FKBP5: variants seen among roughly 807,000 people sequenced by gnomAD.
FKBP5 encodes the protein peptidyl-prolyl cis-trans isomerase FKBP5.
Under a neutral mutation model 50.5 loss-of-function variants are expected in FKBP5, and 23 were observed. The observed-to-expected ratio is 0.46, with a 90% CI of 0.33 to 0.65. FKBP5 has a LOEUF of 0.65. Among genes scored for constraint, FKBP5 ranks in the 30% least tolerant of loss-of-function variants. FKBP5 has a pLI of 0.02. For synonymous variants in FKBP5, 176 were observed against 190.6 expected (o/e 0.92, Z 0.63); for missense variants, 411 against 553.1 (o/e 0.74, Z 2.58).
chr6:35,672,650 A>G (rs1483113001), intron 1 of FKBP5, among the ~76,000 whole-genome samples: 1 of 151,980 alleles, frequency 6.6e-6, no homozygotes, highest in Non-Finnish European at 1.5e-5. Context: ...TTGTGGCTGG[A>G]GGCGGTGGCT....
chr6:35,576,694 G>A (rs1413122437), intron 10 of FKBP5, among the ~76,000 whole-genome samples: 1 of 122,126 alleles, frequency 8.2e-6, no homozygotes. Context: ...GGGCGGGCGG[G>A]GGGAGTTGGT....
intron 2 of FKBP5, among the ~76,000 whole-genome samples, chr6:35,715,881 G>A (rs1381296162): frequency 1.3e-5 from 2 of 152,188 alleles, no homozygotes; most frequent in Non-Finnish European, 2.9e-5. Context: ...GATCCTTCCA[G>A]CCCCTGTGCC....
chr6:35,654,520 T>C (rs929449471), intron 1 of FKBP5, among the ~76,000 whole-genome samples: 3 of 152,230 alleles, frequency 2.0e-5, no homozygotes, highest in Non-Finnish European at 2.9e-5. Flanking sequence ...TACCATACCA[T>C]ACCATTGTTC....
chr6:35,677,838 C>A (rs568544281), intron 1 of FKBP5, among the ~76,000 whole-genome samples: 1 of 151,542 alleles, frequency 6.6e-6, no homozygotes, highest in Non-Finnish European at 1.5e-5. Context: ...GACTGGAGTG[C>A]AGTGGCATGA....
At chr6:35,604,125 A>T (rs1292795992) in intron 5 of FKBP5, among the ~76,000 whole-genome samples, 2 of 151,534 alleles carry the variant, frequency 1.3e-5, no homozygotes, top group Admixed American at 6.6e-5. Context: ...CTCCTTCCTC[A>T]GCCTCCCTAG....
intron 1 of FKBP5, among the ~76,000 whole-genome samples, chr6:35,662,860 C>G (rs1033297933): frequency 6.6e-6 from 1 of 152,152 alleles, no homozygotes; most frequent in Non-Finnish European, 1.5e-5. Context: ...AGACCCTGTT[C>G]TAGGAGCTAC....
chr6:35,604,797 C>CTT (rs552968122), intron 5 of FKBP5, among the ~76,000 whole-genome samples: 1 of 145,022 alleles, frequency 6.9e-6, no homozygotes, highest in Non-Finnish European at 1.5e-5. Context: ...ACAGTGTTTT[C>CTT]TTTTTTTTTT....
At chr6:35,615,048 T>C (rs1306041977) in intron 5 of FKBP5, among the ~76,000 whole-genome samples, 2 of 151,426 alleles carry the variant, frequency 1.3e-5, no homozygotes, top group African/African-American at 4.9e-5. Context: ...CACTTGAACC[T>C]GGGAGGCGGA....
upstream of FKBP5, among the ~76,000 whole-genome samples, chr6:35,691,536 C>T (rs1011721544): frequency 2.6e-5 from 4 of 152,018 alleles, no homozygotes; most frequent in African/African-American, 7.2e-5. Context: ...TGTAATACAC[C>T]GCAGCAACAA....
chr6:35,685,982 CA>C (rs60786619), intron 1 of FKBP5, among the ~76,000 whole-genome samples: 7,328 of 46,306 alleles, frequency 0.16, 186 homozygotes, highest in African/African-American at 0.31. Flanking sequence ...AACGCCATCT[CA>C]AAAAAAAAAA....
Position 35,636,995 on chromosome 6 carries a change from C to CA in FKBP5, c.250+18dup. The CA allele has an allele frequency of 1.3e-6, 2 of 1,573,246 alleles. No individual in the cohort carries two copies. The highest frequency in any genetic ancestry group is 8.6e-7 in the Non-Finnish European group (1 of 1,168,230). ...TAATAAAGCTAAGTAAAACACAACT[C>CA]AAAAAAATACCCTCTTACCTTTGCC... On this transcript the variant is annotated intron_variant, in intron 3 of 10. Transcript: ENST00000357266.
At chr6:35,682,997 TG>T (rs1036043611) in intron 1 of FKBP5, among the ~76,000 whole-genome samples, 1 of 151,496 alleles carries the variant, frequency 6.6e-6, no homozygotes, top group Non-Finnish European at 1.5e-5. Context: ...CTCTTTAAAA[TG>T]TATGTATGTG....
chr6:35,711,771 G>C (rs1009239778), intron 2 of FKBP5, among the ~76,000 whole-genome samples: 1 of 152,102 alleles, frequency 6.6e-6, no homozygotes. Flanking sequence ...CACTTAAATG[G>C]GTGCATTTTA....
At chr6:35,679,395 A>T (rs1001123498) in intron 1 of FKBP5, among the ~76,000 whole-genome samples, 13 of 152,250 alleles carry the variant, frequency 8.5e-5, no homozygotes, top group Admixed American at 8.5e-4. Flanking sequence ...GGACCATAAA[A>T]GGGGAAAAGG....
At chr6:35,683,162 G>A (rs1195053195) in intron 1 of FKBP5, among the ~76,000 whole-genome samples, 4 of 145,464 alleles carry the variant, frequency 2.7e-5, no homozygotes, top group Non-Finnish European at 4.5e-5. Context: ...GTGTGTGTGT[G>A]TGTGTGTGTG....
At chr6:35,636,317 G>C (rs1764308156) in intron 3 of FKBP5, among the ~76,000 whole-genome samples, 6 of 152,170 alleles carry the variant, frequency 3.9e-5, no homozygotes, top group Admixed American at 3.9e-4. Flanking sequence ...ATTGTCAGTT[G>C]TTTTTCCTTG....
chr6:35,646,530 A>G (rs1050971883), intron 1 of FKBP5, among the ~76,000 whole-genome samples: 1 of 152,236 alleles, frequency 6.6e-6, no homozygotes, highest in Non-Finnish European at 1.5e-5. Flanking sequence ...TAAGCTAACA[A>G]AACAAATAAA....
At chr6:35,591,779 T>G (rs1210967085) in intron 6 of FKBP5, among the ~76,000 whole-genome samples, 1 of 152,188 alleles carries the variant, frequency 6.6e-6, no homozygotes, top group African/African-American at 2.4e-5. Flanking sequence ...ACTATTTAAG[T>G]TTTTTTAAAA....
chr6:35,597,920 T>C (rs1360330538), intron 5 of FKBP5, among the ~76,000 whole-genome samples: 3 of 152,196 alleles, frequency 2.0e-5, no homozygotes, highest in Admixed American at 1.3e-4. Context: ...TTCACAAATA[T>C]ATCTGAATAA....
Sources: allele counts gnomAD v4.1 joint callset (sites outside exome capture counted in the v4.1 genomes callset), GRCh38; gene constraint gnomAD v4.1.1; transcripts MANE v1.5; gene names NCBI Gene and HGNC (gene_info 2026-07-23, HGNC 2026-07-21).